SORCS1: variants seen among roughly 807,000 people sequenced by gnomAD.
The protein encoded by SORCS1 is sortilin related VPS10 domain containing receptor 1, also known as VPS10 domain-containing receptor SorCS1.
Under a neutral mutation model 146.1 loss-of-function variants are expected in SORCS1, and 60 were observed. That is an observed-to-expected ratio of 0.41 (90% CI 0.33 to 0.51). The LOEUF (loss-of-function observed/expected upper bound fraction) is 0.51. Among genes scored for constraint, SORCS1 ranks in the 20% least tolerant of loss-of-function variants. The pLI is 0.21. For synonymous variants in SORCS1, 637 were observed against 584.0 expected (o/e 1.09, Z -1.31); for missense variants, 1,352 against 1,487.6 (o/e 0.91, Z 1.50).
intron 9 of SORCS1, among the ~76,000 whole-genome samples, chr10:106,690,472 G>C (rs938378421): frequency 9.9e-5 from 15 of 152,218 alleles, no homozygotes; most frequent in Admixed American, 2.0e-4. Flanking sequence ...AAGGGTGCCA[G>C]CGCAGGGTTA....
At chr10:106,704,646 C>T (rs1176392689) in intron 8 of SORCS1, among the ~76,000 whole-genome samples, 4 of 152,104 alleles carry the variant, frequency 2.6e-5, no homozygotes, top group South Asian at 2.1e-4. Flanking sequence ...GCCAAGACTG[C>T]GCCACTGCAC....
At position 106,740,203 on chromosome 10, in the gene SORCS1, G is replaced by A. The variant is rs1385499571; in HGVS notation, c.960-10089C>T. 2.0e-5 allele frequency among the ~76,000 whole-genome samples: 3 copies of A among 151,974 alleles called. 1 individual carries two copies. Among genetic ancestry groups the A allele is most frequent in the Admixed American group, 1.3e-4 (2 of 15,256 alleles). On this transcript the variant is annotated intron_variant, in intron 5 of 25. Coordinates refer to ENST00000263054, the MANE Select transcript of SORCS1 (RefSeq NM_052918.5). The stretch of plus-strand genomic sequence containing the variant: ...TATACACAAAATAGAAACTAAAATC[G>A]GAGCAAAGAATAATCAGAAAGTATC...
intron 2 of SORCS1, among the ~76,000 whole-genome samples, chr10:106,938,906 G>T (rs1400592140): frequency 2.6e-5 from 4 of 152,148 alleles, no homozygotes; most frequent in African/African-American, 9.7e-5. Flanking sequence ...CTGCTGCCTA[G>T]CAAAAGTATA....
At position 106,625,685 on chromosome 10, in the gene SORCS1, G is replaced by C. The variant is rs139769740; in HGVS notation, c.2662+3517C>G. 2.0e-5 allele frequency among the ~76,000 whole-genome samples: 3 copies of C among 152,316 alleles called. No individual in the cohort carries two copies. In the East Asian group the frequency reaches 5.8e-4, roughly 29 times the overall value. ...TTTTACTCTAAGATGGGGCCAGAAA[G>C]TCATCTGCACATGGCTCCTATATAA... On this transcript the variant is annotated intron_variant, in intron 19 of 25. Transcript: ENST00000263054.
intron 2 of SORCS1, among the ~76,000 whole-genome samples, chr10:106,876,234 A>G (rs1950584953): frequency 6.6e-6 from 1 of 152,140 alleles, no homozygotes; most frequent in African/African-American, 2.4e-5. Context: ...TATAATCAAC[A>G]TGAATAATTC....
At chr10:106,849,666 G>A (rs1298263914) in intron 2 of SORCS1, among the ~76,000 whole-genome samples, 16 of 151,208 alleles carry the variant, frequency 1.1e-4, no homozygotes, top group South Asian at 2.1e-4. Context: ...GGCGCTCTGC[G>A]TTTTAGAGTT....
chr10:107,153,286 T>C (rs571972496), intron 1 of SORCS1, among the ~76,000 whole-genome samples: 9 of 152,078 alleles, frequency 5.9e-5, no homozygotes, highest in African/African-American at 2.2e-4. Context: ...TTTTTAAGAG[T>C]GGAGACTTAA....
At chr10:106,668,014 A>C (rs1851302937) in intron 16 of SORCS1, among the ~76,000 whole-genome samples, 1 of 152,226 alleles carries the variant, frequency 6.6e-6, no homozygotes, top group Admixed American at 6.5e-5. Context: ...ATTATTCAGG[A>C]AAATATCCTA....
chr10:106,794,501 C>CTTTTTTTTTTTTT (rs35647552), intron 3 of SORCS1, among the ~76,000 whole-genome samples: 6 of 126,066 alleles, frequency 4.8e-5, no homozygotes, highest in Admixed American at 8.5e-5. Flanking sequence ...TTTTCTTTTT[C>CTTTTTTTTTTTTT]TTTTTTTTTT....
intron 1 of SORCS1, among the ~76,000 whole-genome samples, chr10:107,068,448 G>A (rs887115362): frequency 2.0e-5 from 3 of 152,118 alleles, no homozygotes; most frequent in African/African-American, 7.2e-5. Flanking sequence ...CAGGAACCAG[G>A]TACTAACATG....
intron 4 of SORCS1, among the ~76,000 whole-genome samples, chr10:106,765,451 T>A (rs994309510): frequency 7.2e-5 from 11 of 152,040 alleles, no homozygotes; most frequent in African/African-American, 2.7e-4. Context: ...AGAATGCAGA[T>A]AAAAATACAC....
At chr10:107,038,730 A>AGAT (rs1959029403) in intron 1 of SORCS1, among the ~76,000 whole-genome samples, 2 of 151,644 alleles carry the variant, frequency 1.3e-5, no homozygotes, top group Non-Finnish European at 2.9e-5. Flanking sequence ...GGACTAAATG[A>AGAT]GATAATGCAC....
At chr10:106,765,920 T>A (rs1474210969) in intron 4 of SORCS1, among the ~76,000 whole-genome samples, 1 of 152,150 alleles carries the variant, frequency 6.6e-6, no homozygotes, top group African/African-American at 2.4e-5. Context: ...AATTCTCTTT[T>A]GCAGCTGGGA....
At chr10:106,746,239 T>C (rs1857736205) in intron 5 of SORCS1, among the ~76,000 whole-genome samples, 2 of 152,262 alleles carry the variant, frequency 1.3e-5, no homozygotes. Context: ...ATGTTAATTT[T>C]TTATTGGTAA....
At chr10:107,156,973 T>C (rs991885506) in intron 1 of SORCS1, among the ~76,000 whole-genome samples, 2 of 152,140 alleles carry the variant, frequency 1.3e-5, no homozygotes, top group Non-Finnish European at 2.9e-5. Context: ...TTAAGGTAAT[T>C]TCAGTGGTTT....
intron 5 of SORCS1, among the ~76,000 whole-genome samples, chr10:106,733,062 C>T (rs934153938): frequency 6.8e-6 from 1 of 146,504 alleles, no homozygotes; most frequent in Non-Finnish European, 1.5e-5. Context: ...GAGCCAAGAT[C>T]ACACTGCTGT....
intron 2 of SORCS1, among the ~76,000 whole-genome samples, chr10:106,914,040 C>G (rs753769274): frequency 4.6e-5 from 7 of 152,198 alleles, no homozygotes; most frequent in Non-Finnish European, 7.3e-5. Flanking sequence ...CCATCTCTCC[C>G]AAGTCTGTGA....
intron 3 of SORCS1, among the ~76,000 whole-genome samples, chr10:106,809,677 T>C (rs563895657): frequency 3.3e-5 from 5 of 152,206 alleles, no homozygotes; most frequent in African/African-American, 1.2e-4. Flanking sequence ...CTTCACTATA[T>C]ATATATATAA....
intron 2 of SORCS1, among the ~76,000 whole-genome samples, chr10:106,830,576 T>C (rs1272654184): frequency 2.2e-4 from 33 of 149,584 alleles, no homozygotes; most frequent in African/African-American, 8.2e-4. Flanking sequence ...TTTTTTTTTT[T>C]CCTTTTTTTT....
Sources: allele counts gnomAD v4.1 joint callset (sites outside exome capture counted in the v4.1 genomes callset), GRCh38; gene constraint gnomAD v4.1.1; transcripts MANE v1.5; gene names NCBI Gene and HGNC (gene_info 2026-07-23, HGNC 2026-07-21).